The following NCKAP5 variants were observed in gnomAD, a reference collection of about 807,000 sequenced individuals.
The protein encoded by NCKAP5 is nck-associated protein 5.
A neutral mutation model predicts 167.0 loss-of-function variants in NCKAP5; 92 were observed. That is an observed-to-expected ratio of 0.55 (90% CI 0.47 to 0.66). The LOEUF is 0.66. Among genes scored for constraint, NCKAP5 ranks in the 30% least tolerant of loss-of-function variants. NCKAP5 has a pLI of 0.00. For missense variants in NCKAP5, 2,378 were observed against 2,315.0 expected, an observed-to-expected ratio of 1.03 and a Z score of -0.56; for synonymous variants, 891 against 877.4, an observed-to-expected ratio of 1.02 and a Z score of -0.27.
At chr2:133,225,514 T>A (rs2086843071) in intron 4 of NCKAP5, among the ~76,000 whole-genome samples, 1 of 152,186 alleles carries the variant, frequency 6.6e-6, no homozygotes, top group African/African-American at 2.4e-5. Flanking sequence ...GAATCCCTGA[T>A]GGACTGTCAC....
intron 8 of NCKAP5, among the ~76,000 whole-genome samples, chr2:132,922,770 CAG>C (rs1330739803): frequency 6.6e-6 from 1 of 152,210 alleles, no homozygotes; most frequent in Non-Finnish European, 1.5e-5. Flanking sequence ...GCCAGCAAGA[CAG>C]AGATCTAGGA....
At chr2:133,193,891 C>G (rs1171405923) in intron 5 of NCKAP5, among the ~76,000 whole-genome samples, 1 of 152,152 alleles carries the variant, frequency 6.6e-6, no homozygotes. Context: ...AAAATACCAA[C>G]ATATTTTAGT....
chr2:133,634,257 C>T, the NCKAP5 span, among the ~76,000 whole-genome samples: 8 of 152,158 alleles, frequency 5.3e-5, no homozygotes, highest in African/African-American at 1.7e-4. Flanking sequence ...AATTAGTTTG[C>T]GTTTCAGCAC....
intron 16 of NCKAP5, among the ~76,000 whole-genome samples, chr2:132,735,733 AG>A (rs2105523516): frequency 6.6e-6 from 1 of 152,340 alleles, no homozygotes; most frequent in South Asian, 2.1e-4. Flanking sequence ...CAAAAACCGA[AG>A]TAAGAATCTT....
At chr2:133,282,267 G>A (rs1261033807) in intron 4 of NCKAP5, among the ~76,000 whole-genome samples, 1 of 152,082 alleles carries the variant, frequency 6.6e-6, no homozygotes, top group Non-Finnish European at 1.5e-5. Context: ...TTTAACTTTT[G>A]TACCTGCCAC....
At chr2:132,729,470 T>G (rs1194110286) in intron 17 of NCKAP5, among the ~76,000 whole-genome samples, 1 of 152,200 alleles carries the variant, frequency 6.6e-6, no homozygotes, top group Non-Finnish European at 1.5e-5. Context: ...GAAGCTTTGC[T>G]TGGAGCCCTT....
chr2:133,323,597 T>G (rs1682220981), intron 3 of NCKAP5, among the ~76,000 whole-genome samples: 2 of 152,206 alleles, frequency 1.3e-5, no homozygotes, highest in Admixed American at 1.3e-4. Flanking sequence ...TTCAGTGTGT[T>G]CCAGCTCTCA....
intron 3 of NCKAP5, among the ~76,000 whole-genome samples, chr2:133,307,192 C>A (rs369408772): frequency 6.6e-6 from 1 of 152,040 alleles, no homozygotes; most frequent in Non-Finnish European, 1.5e-5. Flanking sequence ...GAATTGACAA[C>A]GAAAACTTAC....
chr2:132,812,596 G>T (rs1233103679), intron 11 of NCKAP5, among the ~76,000 whole-genome samples: 1 of 152,154 alleles, frequency 6.6e-6, no homozygotes, highest in East Asian at 1.9e-4. Flanking sequence ...TATGCTGTGG[G>T]AACTCTCGGC....
At chr2:133,099,364 T>C (rs2081434505) in intron 6 of NCKAP5, among the ~76,000 whole-genome samples, 2 of 152,192 alleles carry the variant, frequency 1.3e-5, no homozygotes, top group East Asian at 1.9e-4. Flanking sequence ...GTCAAAATAA[T>C]GTAAGGAAGA....
intron 6 of NCKAP5, among the ~76,000 whole-genome samples, chr2:133,019,644 T>G (rs2149387083): frequency 6.6e-6 from 1 of 152,332 alleles, no homozygotes; most frequent in Non-Finnish European, 1.5e-5. Context: ...ATTTTCCCCT[T>G]ATTGCCATTT....
chr2:133,588,001 G>A, the NCKAP5 span, among the ~76,000 whole-genome samples: 50 of 151,788 alleles, frequency 3.3e-4, no homozygotes, highest in African/African-American at 1.0e-3. Flanking sequence ...TTTTGTTAAA[G>A]AAAATAGAAA....
chr2:132,974,384 CATAATAA>C (rs2076917897), intron 7 of NCKAP5, among the ~76,000 whole-genome samples: 1 of 152,058 alleles, frequency 6.6e-6, no homozygotes. Context: ...ACACAAAAGA[CATAATAA>C]ATAACGATTC....
intron 16 of NCKAP5, among the ~76,000 whole-genome samples, chr2:132,757,515 T>G (rs1473359176): frequency 1.3e-5 from 2 of 152,228 alleles, no homozygotes; most frequent in Non-Finnish European, 2.9e-5. Flanking sequence ...GAACACCCTG[T>G]TCTCAAGATC....
At chr2:133,584,204 A>G in the NCKAP5 span, among the ~76,000 whole-genome samples, 1 of 152,178 alleles carries the variant, frequency 6.6e-6, no homozygotes, top group Non-Finnish European at 1.5e-5. Context: ...TCACACATGC[A>G]CACACACACA....
intron 3 of NCKAP5, among the ~76,000 whole-genome samples, chr2:133,411,248 C>A (rs1688752959): frequency 6.6e-6 from 1 of 152,198 alleles, no homozygotes; most frequent in African/African-American, 2.4e-5. Context: ...CAGCCTTTGC[C>A]ATGTCCTCTT....
chr2:133,215,506 CA>C (rs1306351830), intron 4 of NCKAP5, among the ~76,000 whole-genome samples: 2 of 152,024 alleles, frequency 1.3e-5, no homozygotes, highest in African/African-American at 2.4e-5. Flanking sequence ...ATATGTTCAC[CA>C]AAAGACATGT....
At chr2:132,742,102 A>G (rs1418384263) in intron 16 of NCKAP5, among the ~76,000 whole-genome samples, 2 of 152,082 alleles carry the variant, frequency 1.3e-5, no homozygotes, top group East Asian at 3.8e-4. Flanking sequence ...TCATGCCCAT[A>G]GGTTCACTCC....
chr2:133,385,963 G>A (rs1686931769), intron 3 of NCKAP5, among the ~76,000 whole-genome samples: 1 of 152,188 alleles, frequency 6.6e-6, no homozygotes, highest in African/African-American at 2.4e-5. Context: ...CTTGTTAGCG[G>A]TCAATCAATT....
Sources: gnomAD v4.1 joint callset for allele counts (sites outside exome capture counted in the v4.1 genomes callset) on GRCh38, gnomAD v4.1.1 for gene constraint, MANE v1.5 for transcripts, NCBI Gene and HGNC (gene_info 2026-07-23, HGNC 2026-07-21) for gene names.